The following MYO3A variants were observed in gnomAD, a reference collection of about 807,000 sequenced individuals.
The protein encoded by MYO3A is myosin-IIIa.
Under a neutral mutation model 192.7 loss-of-function variants are expected in MYO3A, and 180 were observed. The ratio of observed to expected loss-of-function variants is 0.93; its 90% CI spans 0.83 to 1.06. MYO3A has a LOEUF of 1.06. Among genes scored for constraint, MYO3A ranks in the 50% least tolerant of loss-of-function variants. MYO3A has a pLI of 0.00. For synonymous variants in MYO3A, 628 were observed against 645.3 expected (o/e 0.97, Z 0.41); for missense variants, 1,896 against 1,905.0 (o/e 1.00, Z 0.09).
At chr10:25,938,614 A>G (rs897413082) in intron 2 of MYO3A, among the ~76,000 whole-genome samples, 2 of 152,186 alleles carry the variant, frequency 1.3e-5, no homozygotes, top group Non-Finnish European at 2.9e-5. Context: ...AAGCAGCTTG[A>G]CAGAAGTGGG....
At chr10:26,086,265 C>A (rs951107378) in intron 14 of MYO3A, among the ~76,000 whole-genome samples, 2 of 152,096 alleles carry the variant, frequency 1.3e-5, no homozygotes, top group African/African-American at 4.8e-5. Flanking sequence ...GTTAAACCAT[C>A]AGGTCTCATG....
chr10:26,040,695 T>C (rs1843296559), intron 10 of MYO3A, among the ~76,000 whole-genome samples: 1 of 152,134 alleles, frequency 6.6e-6, no homozygotes, highest in Non-Finnish European at 1.5e-5. Context: ...TATGTGTTTG[T>C]GTAGTTTCCA....
chr10:25,964,532 A>G (rs1161263090), intron 4 of MYO3A, among the ~76,000 whole-genome samples: 2 of 152,064 alleles, frequency 1.3e-5, no homozygotes, highest in South Asian at 2.1e-4. Flanking sequence ...TGTTGTTTCT[A>G]TTTATATCTT....
At chr10:26,190,823 G>A (rs762085114) in intron 31 of MYO3A, among the ~76,000 whole-genome samples, 4 of 152,026 alleles carry the variant, frequency 2.6e-5, no homozygotes, top group Admixed American at 6.5e-5. Flanking sequence ...AATTCCCTTT[G>A]CACCAACCTA....
Position 26,174,475 on chromosome 10 carries a change from A to G in MYO3A, c.4211A>G (p.Asn1404Ser), listed in dbSNP as rs1842216071. 3 of 1,614,224 alleles carry G rather than the reference A, an allele frequency of 1.9e-6. No homozygotes were observed. The highest frequency in any genetic ancestry group is 2.5e-6 in the Non-Finnish European group (3 of 1,180,034). ...YSYPTKHEEINNIKKKDNKDS... is the reference protein window; with the variant it reads ...YSYPTKHEEISNIKKKDNKDS... ...TATCCCACAAAACATGAGGAAATCA[A>G]TAACATCAAGAAGAAGGATAACAAA... Residue 1404 changes from asparagine (N) to serine (S), a missense_variant, in exon 30 of 35, where the codon AAT becomes AGT. Asn to Ser is a conservative substitution (Grantham distance 46). Transcript: ENST00000642920.
intron 10 of MYO3A, among the ~76,000 whole-genome samples, chr10:26,033,456 C>G (rs553168045): frequency 2.0e-5 from 3 of 152,170 alleles, no homozygotes; most frequent in Non-Finnish European, 2.9e-5. Context: ...TAACCTATTC[C>G]TCTCTCCTAC....
intron 23 of MYO3A, among the ~76,000 whole-genome samples, chr10:26,152,850 G>A (rs900756432): frequency 9.9e-5 from 15 of 152,110 alleles, no homozygotes; most frequent in East Asian, 1.9e-4. Flanking sequence ...CCTGGAGTTC[G>A]GATGGAGGGG....
chr10:26,176,027 G>A (rs1487321177), intron 30 of MYO3A, among the ~76,000 whole-genome samples: 5 of 152,166 alleles, frequency 3.3e-5, no homozygotes, highest in Non-Finnish European at 7.4e-5. Context: ...GGGCGCGGTG[G>A]CTCAAGCCTG....
chr10:25,990,506 T>A (rs903427437), intron 4 of MYO3A, among the ~76,000 whole-genome samples: 14 of 150,950 alleles, frequency 9.3e-5, no homozygotes, highest in Non-Finnish European at 2.1e-4. Flanking sequence ...ATTTCTTTTT[T>A]TAATATATAT....
At position 26,024,043 on chromosome 10, in the gene MYO3A, G is replaced by A. The variant is rs777123688; in HGVS notation, c.753G>A (p.Arg251=). Residue 251 remains arginine (R), a synonymous_variant, in exon 9 of 35, where the codon AGG becomes AGA. Transcript: ENST00000642920. ...CTAGGAATCCACCCCCAAAACTAAGGCAGCCTGAGCTATGGTCAGCAGAAT... is the reference window on the plus strand; with the variant it reads ...CTAGGAATCCACCCCCAAAACTAAGACAGCCTGAGCTATGGTCAGCAGAAT... ...KIPRNPPPKL[R]QPELWSAEFN... 3.2e-5 allele frequency: 52 copies of A among 1,612,978 alleles called. No individual in the cohort carries two copies. The highest frequency in any genetic ancestry group is 4.2e-5 in the Non-Finnish European group (50 of 1,179,264).
chr10:26,129,164 CCTT>C (rs1339279137), intron 20 of MYO3A, among the ~76,000 whole-genome samples: 1 of 152,030 alleles, frequency 6.6e-6, no homozygotes, highest in Non-Finnish European at 1.5e-5. Flanking sequence ...TCATTTTTCT[CCTT>C]CAAGTAATAT....
intron 4 of MYO3A, among the ~76,000 whole-genome samples, chr10:25,982,332 T>C (rs995561357): frequency 6.6e-6 from 1 of 151,892 alleles, no homozygotes; most frequent in African/African-American, 2.4e-5. Flanking sequence ...AAGAGGAAGG[T>C]CTTGGAAGAC....
At chr10:26,155,909 T>C (rs2131923617) in intron 25 of MYO3A, among the ~76,000 whole-genome samples, 1 of 152,350 alleles carries the variant, frequency 6.6e-6, no homozygotes, top group African/African-American at 2.4e-5. Flanking sequence ...GATTAGTTCA[T>C]GAAATCTTTT....
chr10:26,160,923 C>A (rs77303497), intron 26 of MYO3A, among the ~76,000 whole-genome samples: 1,793 of 152,188 alleles, frequency 0.012, 48 homozygotes, highest in African/African-American at 0.041. Context: ...CAATGTAGAG[C>A]ATAATGAGAA....
chr10:26,027,745 A>G (rs1397899054), intron 10 of MYO3A, among the ~76,000 whole-genome samples: 1 of 152,186 alleles, frequency 6.6e-6, no homozygotes, highest in Non-Finnish European at 1.5e-5. Context: ...ATAATTAAAC[A>G]TTCTTCTAAC....
intron 29 of MYO3A, among the ~76,000 whole-genome samples, chr10:26,171,205 C>T (rs1842029893): frequency 6.6e-6 from 1 of 152,114 alleles, no homozygotes; most frequent in South Asian, 2.1e-4. Context: ...GGAAAAATAT[C>T]TACATTTTGC....
intron 14 of MYO3A, among the ~76,000 whole-genome samples, chr10:26,087,103 A>C (rs1836381186): frequency 6.6e-6 from 1 of 152,182 alleles, no homozygotes; most frequent in South Asian, 2.1e-4. Flanking sequence ...CTTACCTTTG[A>C]AATATGCAGT....
intron 4 of MYO3A, among the ~76,000 whole-genome samples, chr10:25,995,920 A>T (rs928370009): frequency 6.6e-6 from 1 of 152,184 alleles, no homozygotes; most frequent in Admixed American, 6.5e-5. Flanking sequence ...CCTACTGGGG[A>T]GTGCCTCCCA....
intron 11 of MYO3A, among the ~76,000 whole-genome samples, chr10:26,067,859 A>G (rs2131375943): frequency 6.6e-6 from 1 of 151,716 alleles, no homozygotes; most frequent in South Asian, 2.1e-4. Flanking sequence ...CACTGCTGAT[A>G]CATGCCTGAG....
Sources: gnomAD v4.1 joint callset for allele counts (sites outside exome capture counted in the v4.1 genomes callset) on GRCh38, gnomAD v4.1.1 for gene constraint, MANE v1.5 for transcripts, NCBI Gene and HGNC (gene_info 2026-07-23, HGNC 2026-07-21) for gene names.